The following RAD51B variants were observed in gnomAD, a reference collection of about 807,000 sequenced individuals.
The protein encoded by RAD51B is RAD51 paralog B, also known as DNA repair protein RAD51 homolog 2.
RAD51B carries 38 observed loss-of-function variants against 42.2 expected under a neutral mutation model. That is an observed-to-expected ratio of 0.90 (90% CI 0.70 to 1.18). The LOEUF is 1.18. Ranked by LOEUF, RAD51B falls within the 50% of genes most tolerant of loss-of-function variation. The pLI, the probability that RAD51B is intolerant of heterozygous loss-of-function variation, is 0.00. For synonymous variants in RAD51B, 154 were observed against 145.2 expected (o/e 1.06, Z -0.43); for missense variants, 373 against 400.7 (o/e 0.93, Z 0.59).
intron 10 of RAD51B, among the ~76,000 whole-genome samples, chr14:68,604,825 C>CTGAGTGGGTGGTCAGCGAG (rs148184113): frequency 0.17 from 26,137 of 152,050 alleles, 2,410 homozygotes; most frequent in Non-Finnish European, 0.21. Flanking sequence ...TCAGGGCTCC[C>CTGAGTGGGTGGTCAGCGAG]TGAGTGAGTG....
rs751056292 is a variant in RAD51B at position 68,468,122 on chromosome 14, C to G, written c.958-50C>G. Reference sequence around the variant, plus strand: ...AAGTGGGAAGGGGAGTGAATAGAGGCCCATCCCTGATCCTTTGACTAACCC... The same window carrying G: ...AAGTGGGAAGGGGAGTGAATAGAGGGCCATCCCTGATCCTTTGACTAACCC... On this transcript the variant is annotated intron_variant, in intron 9 of 10. Coordinates refer to ENST00000471583, the MANE Select transcript of RAD51B (RefSeq NM_133510.4). 9 of 1,503,818 alleles carry G rather than the reference C, an allele frequency of 6.0e-6. No homozygotes were observed. In the Admixed American group the frequency reaches 1.5e-4, roughly 25 times the overall value. 93.2% of individuals were successfully genotyped at this position (1,503,818 alleles called of 1,614,324 possible).
intron 11 of RAD51B, among the ~76,000 whole-genome samples, chr14:68,682,564 A>G (rs185815979): frequency 6.6e-6 from 1 of 152,350 alleles, no homozygotes; most frequent in East Asian, 1.9e-4. Flanking sequence ...AAATTGTCAT[A>G]GATTACGAAA....
chr14:68,490,014 A>T (rs1883936002), intron 10 of RAD51B, among the ~76,000 whole-genome samples: 1 of 152,200 alleles, frequency 6.6e-6, no homozygotes, highest in Admixed American at 6.5e-5. Flanking sequence ...GAATAAAGAC[A>T]GACTGGGAAG....
intron 7 of RAD51B, among the ~76,000 whole-genome samples, chr14:67,930,988 TCAG>T (rs1281777394): frequency 1.3e-5 from 2 of 151,928 alleles, no homozygotes; most frequent in African/African-American, 2.4e-5. Flanking sequence ...TGGTGCGATC[TCAG>T]CTCACTGCAA....
chr14:68,276,301 C>T (rs1464482420), intron 7 of RAD51B, among the ~76,000 whole-genome samples: 1 of 152,148 alleles, frequency 6.6e-6, no homozygotes. Context: ...ATGACTCCTC[C>T]CCTGAGTCTC....
chr14:67,895,506 A>G (rs1323584453), intron 7 of RAD51B, among the ~76,000 whole-genome samples: 3 of 152,132 alleles, frequency 2.0e-5, no homozygotes, highest in African/African-American at 7.2e-5. Flanking sequence ...CATTTTCCCA[A>G]AGTGTATTTC....
chr14:68,198,796 C>T (rs1184106341), intron 7 of RAD51B, among the ~76,000 whole-genome samples: 1 of 152,216 alleles, frequency 6.6e-6, no homozygotes, highest in Non-Finnish European at 1.5e-5. Flanking sequence ...TGACACCAGT[C>T]TCCCACTTAA....
intron 7 of RAD51B, among the ~76,000 whole-genome samples, chr14:67,912,169 T>A (rs2044005759): frequency 1.3e-5 from 2 of 152,242 alleles, no homozygotes; most frequent in Admixed American, 1.3e-4. Flanking sequence ...ATATTTTGGA[T>A]GATTCAATTC....
chr14:68,082,267 A>G (rs1241231962), intron 7 of RAD51B, among the ~76,000 whole-genome samples: 2 of 152,026 alleles, frequency 1.3e-5, no homozygotes, highest in African/African-American at 4.8e-5. Flanking sequence ...GCCGCAAATA[A>G]TATTTCTTAA....
intron 8 of RAD51B, among the ~76,000 whole-genome samples, chr14:68,356,869 G>C (rs1442959333): frequency 1.3e-5 from 2 of 151,094 alleles, no homozygotes; most frequent in Non-Finnish European, 2.9e-5. Context: ...TGTAGTCCCA[G>C]CTACTTGGGA....
Position 68,155,135 on chromosome 14 carries a change from T to G in RAD51B, c.757-136749T>G, listed in dbSNP as rs144761303. Among the ~76,000 whole-genome samples the G allele has an allele frequency of 3.2e-3, 484 of 152,228 alleles. 2 individuals carry two copies. The highest frequency in any genetic ancestry group is 0.011 in the African/African-American group (462 of 41,538). ...GAATGGTAAGTTTTGTTGAACATGT[T>G]ATATAAAAGGAAATTACGCAAGGGG... On this transcript the variant is annotated intron_variant, in intron 7 of 10. Coordinates refer to ENST00000471583, the MANE Select transcript of RAD51B (RefSeq NM_133510.4).
chr14:68,080,572 G>GC (rs2076897529), intron 7 of RAD51B, among the ~76,000 whole-genome samples: 1 of 152,160 alleles, frequency 6.6e-6, no homozygotes, highest in Admixed American at 6.5e-5. Flanking sequence ...AGGTGTTAAA[G>GC]CTTTTTCTGA....
At chr14:68,534,741 C>T (rs181335270) in intron 10 of RAD51B, among the ~76,000 whole-genome samples, 49 of 152,114 alleles carry the variant, frequency 3.2e-4, no homozygotes, top group Non-Finnish European at 5.0e-4. Context: ...TCTGTCCTCC[C>T]GCTCCCACCC....
chr14:67,985,508 T>C (rs983083820), intron 7 of RAD51B, among the ~76,000 whole-genome samples: 12 of 152,148 alleles, frequency 7.9e-5, no homozygotes, highest in African/African-American at 2.9e-4. Flanking sequence ...TTTTCACTAA[T>C]CTAAGGATTG....
intron 8 of RAD51B, among the ~76,000 whole-genome samples, chr14:68,407,179 A>G (rs1310868628): frequency 6.6e-6 from 1 of 152,242 alleles, no homozygotes; most frequent in Non-Finnish European, 1.5e-5. Context: ...GTAAATACAT[A>G]AACTACATAA....
At chr14:67,920,147 TTTAG>T (rs2044275417) in intron 7 of RAD51B, among the ~76,000 whole-genome samples, 1 of 152,144 alleles carries the variant, frequency 6.6e-6, no homozygotes, top group African/African-American at 2.4e-5. Flanking sequence ...AGGAAAAAAC[TTTAG>T]TTGTTAATTT....
chr14:68,197,928 T>C (rs977655947), intron 7 of RAD51B, among the ~76,000 whole-genome samples: 8 of 152,080 alleles, frequency 5.3e-5, no homozygotes, highest in African/African-American at 1.9e-4. Flanking sequence ...TCGCAGTCCG[T>C]GGCTTGTCAT....
At chr14:68,442,503 C>T (rs569211465) in intron 9 of RAD51B, among the ~76,000 whole-genome samples, 3 of 136,470 alleles carry the variant, frequency 2.2e-5, no homozygotes, top group East Asian at 4.4e-4. Context: ...AGCAGTGGCG[C>T]GATTTCAGCT....
At chr14:68,087,185 T>A (rs781158151) in intron 7 of RAD51B, among the ~76,000 whole-genome samples, 1 of 151,980 alleles carries the variant, frequency 6.6e-6, no homozygotes, top group Non-Finnish European at 1.5e-5. Context: ...CCATACTATT[T>A]CTGATTCCCT....
Sources: allele counts gnomAD v4.1 joint callset (sites outside exome capture counted in the v4.1 genomes callset), GRCh38; gene constraint gnomAD v4.1.1; transcripts MANE v1.5; gene names NCBI Gene and HGNC (gene_info 2026-07-23, HGNC 2026-07-21).